ST3GAL4: variants seen among roughly 807,000 people sequenced by gnomAD.
ST3GAL4 encodes CMP-N-acetylneuraminate-beta-galactosamide-alpha-2,3-sialyltransferase 4.
Under a neutral mutation model 42.6 loss-of-function variants are expected in ST3GAL4, and 24 were observed. The observed-to-expected ratio is 0.56, with a 90% CI of 0.41 to 0.79. ST3GAL4 has a LOEUF of 0.79. ST3GAL4 is among the 30% of genes least tolerant of loss of function. The probability of loss-of-function intolerance (pLI) is 0.00; values close to 1 mark genes in which losing one functional copy is unlikely to be tolerated. For missense variants in ST3GAL4, 311 were observed against 430.8 expected, an observed-to-expected ratio of 0.72 and a Z score of 2.46; for synonymous variants, 135 against 163.2, an observed-to-expected ratio of 0.83 and a Z score of 1.32.
intron 1 of ST3GAL4, among the ~76,000 whole-genome samples, chr11:126,374,159 C>T (rs1018700394): frequency 6.6e-6 from 1 of 151,674 alleles, no homozygotes; most frequent in African/African-American, 2.4e-5. Context: ...TGAGTAAGAG[C>T]TGGACAAAGA....
chr11:126,406,065 T>G lies in ST3GAL4; in HGVS notation c.-60-31T>G. The G allele has an allele frequency of 1.3e-6, 2 of 1,551,096 alleles. No homozygotes were observed. The highest frequency in any genetic ancestry group is 3.9e-5 in the Admixed American group (2 of 50,992). On this transcript the variant is annotated intron_variant, in intron 1 of 10. Coordinates refer to ENST00000444328, the MANE Select transcript of ST3GAL4 (RefSeq NM_001254757.2). This position sits in a 1 kb window ranked among gnomAD's most constrained non-coding sequence, Gnocchi z 5.4. ...GTCTAGGCAGGAGAGTTTGTGAAGCTGACCGGACACCTGTGGCTCTTATTT... is the reference window on the plus strand; with the variant it reads ...GTCTAGGCAGGAGAGTTTGTGAAGCGGACCGGACACCTGTGGCTCTTATTT...
In ST3GAL4 at chr11:126,406,536, G is replaced by C; in HGVS notation, c.80G>C (p.Arg27Pro). ...LVVMVWYSISREDRYIELFYF... is the reference protein window; with the variant it reads ...LVVMVWYSISPEDRYIELFYF... The stretch of plus-strand genomic sequence containing the variant: ...GTCATGGTGTGGTATTCCATCTCCC[G>C]GGAAGACAGGTACATCGAGCTGTGA... Residue 27 changes from arginine (R) to proline (P), a missense_variant, in exon 3 of 11, where the codon CGG (arginine) becomes CCG (proline). Physicochemically the swap from Arg to Pro is moderately radical, Grantham distance 103. Transcript: ENST00000444328. The surrounding 1 kb of genome is among the most constrained non-coding windows in gnomAD (Gnocchi z 5.4). 6.2e-7 allele frequency: 1 copy of C among 1,614,148 alleles called. No individual in the cohort carries two copies. The highest frequency in any genetic ancestry group is 8.5e-7 in the Non-Finnish European group (1 of 1,180,034).
At position 126,399,973 on chromosome 11, in the gene ST3GAL4, C is replaced by T. The variant is rs146943680; in HGVS notation, c.-60-6123C>T. On this transcript the variant is annotated intron_variant, in intron 1 of 10. Coordinates refer to ENST00000444328, the MANE Select transcript of ST3GAL4 (RefSeq NM_001254757.2). ...ACTTTCCCTACAGATCTTCTAATCC[C>T]GCTTTATTGCCTGCCTGCCTCCCTC... Among the ~76,000 whole-genome samples, 574 of 152,244 alleles carry T rather than the reference C, an allele frequency of 3.8e-3. 4 individuals are homozygous for T. The highest frequency in any genetic ancestry group is 0.013 in the African/African-American group (545 of 41,556).
Position 126,373,153 on chromosome 11 carries a change from T to C in ST3GAL4, c.-61+17311T>C, listed in dbSNP as rs1360797671. 6.6e-6 allele frequency among the ~76,000 whole-genome samples: 1 copy of C among 152,178 alleles called. No individual in the cohort carries two copies. Among genetic ancestry groups the C allele is most frequent in the Non-Finnish European group, 1.5e-5 (1 of 68,032 alleles). The stretch of plus-strand genomic sequence containing the variant: ...GTGGAGGAACTTTGAAAGGGTCTGT[T>C]CTGGAGAGGGGGTGCTGCTCTGGAG... On this transcript the variant is annotated intron_variant, in intron 1 of 10. Transcript: ENST00000444328. This position sits in a 1 kb window ranked among gnomAD's most constrained non-coding sequence, Gnocchi z 5.5.
rs906210456 is a variant in ST3GAL4, at chr11:126,400,084, T to C, written c.-60-6012T>C. Among the ~76,000 whole-genome samples the C allele has an allele frequency of 1.3e-5, 2 of 152,144 alleles. No individual in the cohort carries two copies. The highest frequency in any genetic ancestry group is 2.9e-5 in the Non-Finnish European group (2 of 68,028). ...TGCTTTCCTCTCCCCTCTCCACTTC[T>C]TGGCACCAATTTTCTGTCTTAGTCC... On this transcript the variant is annotated intron_variant, in intron 1 of 10. Transcript: ENST00000444328. The surrounding 1 kb of genome is among the most constrained non-coding windows in gnomAD (Gnocchi z 4.6).
chr11:126,401,579 A>G (rs75990592), intron 1 of ST3GAL4, among the ~76,000 whole-genome samples: 2 of 136,586 alleles, frequency 1.5e-5, no homozygotes, highest in Admixed American at 7.0e-5. Flanking sequence ...GAAGAAGAAG[A>G]AAAAAAAAAA....
In ST3GAL4 at chr11:126,406,459, C is replaced by T; in HGVS notation, c.17-14C>T. 2.5e-6 allele frequency: 4 copies of T among 1,614,174 alleles called. No individual in the cohort carries two copies. Among genetic ancestry groups the T allele is most frequent in the Non-Finnish European group, 2.5e-6 (3 of 1,180,022 alleles). On this transcript the variant is annotated splice_polypyrimidine_tract_variant and intron_variant, in intron 2 of 10. Transcript: ENST00000444328. This position sits in a 1 kb window ranked among gnomAD's most constrained non-coding sequence, Gnocchi z 5.4. Reference sequence around the variant, plus strand: ...TGTTGCTGCCTCTAGCTCCTCTCTGCATGTGTCCTGCAGGCTGGAAGCTCC... The same window carrying T: ...TGTTGCTGCCTCTAGCTCCTCTCTGTATGTGTCCTGCAGGCTGGAAGCTCC...
Position 126,411,291 on chromosome 11 carries a change from A to G in ST3GAL4, c.771+1880A>G, listed in dbSNP as rs1376669235. On this transcript the variant is annotated intron_variant, in intron 9 of 10. Transcript: ENST00000444328. The surrounding 1 kb of genome is among the most constrained non-coding windows in gnomAD (Gnocchi z 6.3). ...CTCCCAAGTAGCTGGGATTACAGGC[A>G]TGTACCACCACACCTGGCTAATTTT... 6.6e-6 allele frequency among the ~76,000 whole-genome samples: 1 copy of G among 152,032 alleles called. No individual in the cohort carries two copies. Among genetic ancestry groups the G allele is most frequent in the Non-Finnish European group, 1.5e-5 (1 of 67,992 alleles).
chr11:126,384,453 T>C lies in ST3GAL4; in HGVS notation c.-60-21643T>C, dbSNP rs1380381232. On this transcript the variant is annotated intron_variant, in intron 1 of 10. Coordinates refer to ENST00000444328, the MANE Select transcript of ST3GAL4 (RefSeq NM_001254757.2). This position sits in a 1 kb window ranked among gnomAD's most constrained non-coding sequence, Gnocchi z 5.5. Reference sequence around the variant, plus strand: ...GGGATTTTGGGGTACTGGGTTTGGATAGAGTGTGTCATCTGCAGAGGCAGC... The same window carrying C: ...GGGATTTTGGGGTACTGGGTTTGGACAGAGTGTGTCATCTGCAGAGGCAGC... 2.0e-5 allele frequency among the ~76,000 whole-genome samples: 3 copies of C among 151,942 alleles called. No homozygotes were observed. Among genetic ancestry groups the C allele is most frequent in the Non-Finnish European group, 4.4e-5 (3 of 67,986 alleles).
intron 1 of ST3GAL4, chr11:126,358,502 G>C (rs370963834): frequency 2.2e-6 from 1 of 454,554 alleles, no homozygotes. Flanking sequence ...GCCACATTTC[G>C]GGGAGGGAGG....
chr11:126,356,880 G>C (rs73632737), intron 1 of ST3GAL4, among the ~76,000 whole-genome samples: 17,937 of 152,262 alleles, frequency 0.12, 1,391 homozygotes, highest in African/African-American at 0.22. Flanking sequence ...CCGTGTCACT[G>C]TCTCCTGAGC....
At chr11:126,365,884 G>A (rs1460009304) in intron 1 of ST3GAL4, among the ~76,000 whole-genome samples, 1 of 152,174 alleles carries the variant, frequency 6.6e-6, no homozygotes, top group African/African-American at 2.4e-5. Context: ...CCCTCCATGG[G>A]GCAGCAGGCT....
Position 126,410,159 on chromosome 11 carries a change from A to C in ST3GAL4, c.771+748A>C, listed in dbSNP as rs1284912859. Among the ~76,000 whole-genome samples the C allele has an allele frequency of 6.6e-6, 1 of 152,180 alleles. No individual in the cohort carries two copies. The highest frequency in any genetic ancestry group is 1.5e-5 in the Non-Finnish European group (1 of 68,026). Reference sequence around the variant, plus strand: ...TGGCCTCAAGTGATCCTCGTGTCTCAGCCTCCCAAAATGCCGGGATTACAG... The same window carrying C: ...TGGCCTCAAGTGATCCTCGTGTCTCCGCCTCCCAAAATGCCGGGATTACAG... On this transcript the variant is annotated intron_variant, in intron 9 of 10. Coordinates refer to ENST00000444328, the MANE Select transcript of ST3GAL4 (RefSeq NM_001254757.2). This position sits in a 1 kb window ranked among gnomAD's most constrained non-coding sequence, Gnocchi z 5.3.
intron 1 of ST3GAL4, among the ~76,000 whole-genome samples, chr11:126,404,341 C>T (rs541774741): frequency 9.9e-4 from 151 of 152,250 alleles, no homozygotes; most frequent in African/African-American, 3.4e-3. Context: ...TGATCGTCCA[C>T]GGTAACCAAC....
intron 1 of ST3GAL4, among the ~76,000 whole-genome samples, chr11:126,380,971 C>T (rs1952978282): frequency 6.6e-6 from 1 of 152,222 alleles, no homozygotes. Flanking sequence ...TACATGCGTG[C>T]CTGGAAGTGT....
At chr11:126,380,259 C>CAA (rs781686402) in intron 1 of ST3GAL4, among the ~76,000 whole-genome samples, 1 of 114,696 alleles carries the variant, frequency 8.7e-6, no homozygotes, top group Non-Finnish European at 1.9e-5. Flanking sequence ...GAGACTGTAT[C>CAA]AAAAAAAAAA....
At chr11:126,380,029 A>G (rs1952939356) in intron 1 of ST3GAL4, among the ~76,000 whole-genome samples, 2 of 152,048 alleles carry the variant, frequency 1.3e-5, no homozygotes, top group Non-Finnish European at 2.9e-5. Flanking sequence ...TGGGAAGCTG[A>G]GGCGGGCGGA....
In ST3GAL4 at chr11:126,408,211, C is replaced by T; in HGVS notation, c.437+17C>T. 1 of 1,613,948 alleles carries T rather than the reference C, an allele frequency of 6.2e-7. No individual in the cohort carries two copies. The highest frequency in any genetic ancestry group is 8.5e-7 in the Non-Finnish European group (1 of 1,179,826). On this transcript the variant is annotated intron_variant, in intron 7 of 10. Coordinates refer to ENST00000444328, the MANE Select transcript of ST3GAL4 (RefSeq NM_001254757.2). ...GGTCATCAGGTGTGTGTGACTGTCT[C>T]TTCCTACTGTTGTTTGGGAACTGGA... is the stretch of plus-strand genomic sequence containing the variant.
intron 1 of ST3GAL4, among the ~76,000 whole-genome samples, chr11:126,404,029 T>A (rs974622255): frequency 2.6e-5 from 4 of 152,228 alleles, no homozygotes; most frequent in African/African-American, 9.6e-5. Flanking sequence ...TTCTAGGTGT[T>A]GGGACCCAAA....
Sources: allele counts gnomAD v4.1 joint callset (sites outside exome capture counted in the v4.1 genomes callset), GRCh38; gene constraint gnomAD v4.1.1; non-coding constraint Gnocchi (gnomAD v3.1); transcripts MANE v1.5; gene names NCBI Gene and HGNC (gene_info 2026-07-23, HGNC 2026-07-21).